SLC16A10: variants seen among roughly 807,000 people sequenced by gnomAD.
SLC16A10 encodes the protein solute carrier family 16 member 10.
Under a neutral mutation model 40.0 loss-of-function variants are expected in SLC16A10, and 27 were observed. That is an observed-to-expected ratio of 0.67 (90% confidence interval 0.50 to 0.93). SLC16A10 has a LOEUF of 0.93. Among genes scored for constraint, SLC16A10 ranks in the 40% least tolerant of loss-of-function variants. The pLI, the probability that SLC16A10 is intolerant of heterozygous loss-of-function variation, is 0.00. For synonymous variants in SLC16A10, 213 were observed against 249.8 expected, an observed-to-expected ratio of 0.85 and a Z score of 1.39; for missense variants, 529 against 658.2, an observed-to-expected ratio of 0.80 and a Z score of 2.15.
chr6:111,172,712 T>C lies in SLC16A10; in HGVS notation c.361T>C (p.Ser121Pro). Reference protein sequence around the residue: ...VFKTAWVGSLSMGMIFFCCPI... With the variant: ...VFKTAWVGSLPMGMIFFCCPI... ...TTTTACAGCATGGGTAGGTTCTCTC[T>C]CCATGGGGATGATTTTCTTTTGCTG... Residue 121 changes from serine (S) to proline (P), a missense_variant, in exon 2 of 6, where the codon TCC (serine) becomes CCC (proline). By Grantham distance (74) the Ser-to-Pro change is moderately conservative (BLOSUM62 -1). Transcript: ENST00000368851. 1 of 1,614,156 alleles carries C rather than the reference T, an allele frequency of 6.2e-7. No homozygotes were observed. The highest frequency in any genetic ancestry group is 8.5e-7 in the Non-Finnish European group (1 of 1,179,996).
intron 3 of SLC16A10, among the ~76,000 whole-genome samples, chr6:111,200,019 A>G (rs563818114): frequency 6.6e-6 from 1 of 151,966 alleles, no homozygotes; most frequent in Non-Finnish European, 1.5e-5. Flanking sequence ...ATGTCTTAAC[A>G]GTGCCATGCA....
chr6:111,155,241 A>C (rs1583332399), intron 1 of SLC16A10, among the ~76,000 whole-genome samples: 1 of 145,384 alleles, frequency 6.9e-6, no homozygotes. Context: ...CTGCCCTGTC[A>C]CCCAGGTTGG....
At chr6:111,144,610 T>G (rs952442010) in intron 1 of SLC16A10, among the ~76,000 whole-genome samples, 1 of 152,220 alleles carries the variant, frequency 6.6e-6, no homozygotes, top group Admixed American at 6.5e-5. Flanking sequence ...GCAAACTAAC[T>G]TATAATGGCA....
intron 5 of SLC16A10, among the ~76,000 whole-genome samples, chr6:111,221,174 A>G (rs958566945): frequency 2.0e-5 from 3 of 152,206 alleles, no homozygotes; most frequent in African/African-American, 7.2e-5. Context: ...AAAAACACTA[A>G]GATAACTTTT....
At chr6:111,100,959 CCTCTCTCTCTCTCT>C (rs71021825) in intron 1 of SLC16A10, among the ~76,000 whole-genome samples, 2 of 81,476 alleles carry the variant, frequency 2.5e-5, no homozygotes, top group African/African-American at 9.5e-5. Context: ...TCTTTCTCTC[CCTCTCTCTCTCTCT>C]CTCTCTCTCT....
intron 3 of SLC16A10, among the ~76,000 whole-genome samples, chr6:111,200,061 T>C (rs1247029435): frequency 6.6e-6 from 1 of 152,106 alleles, no homozygotes; most frequent in Admixed American, 6.5e-5. Context: ...CCCATCTTAA[T>C]GAAATGGAAA....
At chr6:111,218,775 T>C (rs998455252) in intron 4 of SLC16A10, 39 bp from the exon 5 acceptor site, 4 of 1,557,216 alleles carry the variant, frequency 2.6e-6, no homozygotes, top group East Asian at 4.5e-5. Context: ...TGACATTTGC[T>C]TCCTGCGAGC....
intron 1 of SLC16A10, among the ~76,000 whole-genome samples, chr6:111,110,769 T>G (rs1326183214): frequency 6.6e-6 from 1 of 152,174 alleles, no homozygotes; most frequent in Non-Finnish European, 1.5e-5. Context: ...CCAGCTGTGC[T>G]CTGATAGGTG....
rs1770988019 is a variant in SLC16A10, at chr6:111,225,937, A to G, written c.*3702A>G. On this transcript the variant is annotated 3_prime_UTR_variant, in exon 6 of 6. Transcript: ENST00000368851. ...TCCATTAACATCCATGCTTAGTTCC[A>G]CTGGTTGCATGGCTGTATTTCCTAC... The G allele has an allele frequency of 6.6e-6, 1 of 152,040 alleles. No individual in the cohort carries two copies. The highest frequency in any genetic ancestry group is 2.1e-4 in the South Asian group (1 of 4,830). The allele number at this position is 152,040 out of a possible 1,614,324, so 9.4% of individuals were successfully genotyped here.
intron 1 of SLC16A10, among the ~76,000 whole-genome samples, chr6:111,146,457 C>T (rs1161793404): frequency 6.6e-6 from 1 of 152,122 alleles, no homozygotes; most frequent in East Asian, 1.9e-4. Flanking sequence ...AAGATATATA[C>T]AGGCCGGGCG....
rs1157242736 is a variant in SLC16A10, at chr6:111,211,955, T to TA, written c.1086+5221dup. Among the ~76,000 whole-genome samples the TA allele has an allele frequency of 3.3e-5, 5 of 152,226 alleles. No homozygotes were observed. In the East Asian group the frequency reaches 9.6e-4, roughly 29 times the overall value. On this transcript the variant is annotated intron_variant, in intron 4 of 5. Coordinates refer to ENST00000368851, the MANE Select transcript of SLC16A10 (RefSeq NM_018593.5). ...CATTGGTGGTGTGTTTTCTCAGACA[T>TA]ACCTGCTCCCTGCTTTCATCTTTCA...
At chr6:111,147,853 C>T (rs1772106635) in intron 1 of SLC16A10, among the ~76,000 whole-genome samples, 1 of 152,124 alleles carries the variant, frequency 6.6e-6, no homozygotes, top group Admixed American at 6.5e-5. Context: ...CTGTGAGTCT[C>T]ATTCTGTCAG....
At chr6:111,118,420 G>A (rs1021157733) in intron 1 of SLC16A10, among the ~76,000 whole-genome samples, 1 of 152,232 alleles carries the variant, frequency 6.6e-6, no homozygotes, top group East Asian at 1.9e-4. Flanking sequence ...GGTGGCTCAC[G>A]CCTGTAATCC....
intron 4 of SLC16A10, among the ~76,000 whole-genome samples, chr6:111,216,554 C>T (rs573675403): frequency 1.3e-5 from 2 of 148,274 alleles, no homozygotes; most frequent in South Asian, 4.4e-4. Context: ...AGGCGCCCAC[C>T]ACCACGCCCG....
At chr6:111,185,045 G>A (rs759701582) in intron 3 of SLC16A10, among the ~76,000 whole-genome samples, 1 of 152,132 alleles carries the variant, frequency 6.6e-6, no homozygotes, top group African/African-American at 2.4e-5. Flanking sequence ...ATCTCTCTGT[G>A]GCTTCCTCAG....
chr6:111,146,844 A>G (rs1003145721), intron 1 of SLC16A10, among the ~76,000 whole-genome samples: 1 of 152,246 alleles, frequency 6.6e-6, no homozygotes, highest in Non-Finnish European at 1.5e-5. Flanking sequence ...AACGTGGTGT[A>G]TTAATAAATG....
chr6:111,092,315 G>T (rs11962356), intron 1 of SLC16A10, among the ~76,000 whole-genome samples: 64 of 98,566 alleles, frequency 6.5e-4, no homozygotes, highest in South Asian at 1.4e-3. Flanking sequence ...TTTTTTTGTT[G>T]TTTTTTTTTT....
intron 1 of SLC16A10, among the ~76,000 whole-genome samples, chr6:111,148,432 G>A (rs1772116363): frequency 6.6e-6 from 1 of 152,194 alleles, no homozygotes; most frequent in South Asian, 2.1e-4. Flanking sequence ...TGTTATCAGA[G>A]CATCTTTGTT....
rs767925471 is a variant in SLC16A10 at position 111,219,024 on chromosome 6, G to A, written c.1297G>A (p.Val433Ile). 1.1e-5 allele frequency: 18 copies of A among 1,614,064 alleles called. No individual in the cohort carries two copies. Among genetic ancestry groups the A allele is most frequent in the Non-Finnish European group, 1.5e-5 (18 of 1,179,950 alleles). Residue 433 changes from valine to isoleucine, a missense_variant, in exon 5 of 6, where the codon GTT becomes ATT. Val to Ile is a conservative substitution (Grantham distance 29). Transcript: ENST00000368851. ...CGGATTCATGTCTATACCCATGACT[G>A]TTGGCCCACCCATTGCAGGTAAATA... is the stretch of plus-strand genomic sequence containing the variant. ...LLGFMSIPMT[V>I]GPPIAGLLRD...
Sources: gnomAD v4.1 joint callset for allele counts (sites outside exome capture counted in the v4.1 genomes callset) on GRCh38, gnomAD v4.1.1 for gene constraint, MANE v1.5 for transcripts, NCBI Gene and HGNC (gene_info 2026-07-23, HGNC 2026-07-21) for gene names.